The following ADTRP variants were observed in gnomAD, a reference collection of about 807,000 sequenced individuals.
The protein encoded by ADTRP is androgen dependent TFPI regulating protein.
Under a neutral mutation model 27.0 loss-of-function variants are expected in ADTRP, and 20 were observed. That is an observed-to-expected ratio of 0.74 (90% CI 0.52 to 1.08). ADTRP has a LOEUF of 1.08. ADTRP is among the 50% of genes least tolerant of loss of function. The probability of loss-of-function intolerance (pLI) is 0.00; values close to 1 mark genes in which losing one functional copy is unlikely to be tolerated. For missense variants in ADTRP, 251 were observed against 275.0 expected, an observed-to-expected ratio of 0.91 and a Z score of 0.62; for synonymous variants, 101 against 105.2, an observed-to-expected ratio of 0.96 and a Z score of 0.25.
At chr6:11,725,013 T>C (rs1470895012) in intron 4 of ADTRP, among the ~76,000 whole-genome samples, 3 of 152,222 alleles carry the variant, frequency 2.0e-5, no homozygotes, top group Admixed American at 6.5e-5. Context: ...TCCCACGTTG[T>C]CAAAGGAATT....
intron 1 of ADTRP, among the ~76,000 whole-genome samples, chr6:11,769,441 A>T (rs1000102807): frequency 1.3e-5 from 2 of 152,140 alleles, no homozygotes; most frequent in African/African-American, 4.8e-5. Context: ...GCAGGAAATG[A>T]TACAGAGGTG....
intron 4 of ADTRP, among the ~76,000 whole-genome samples, chr6:11,729,867 C>T (rs1479184253): frequency 6.6e-6 from 1 of 152,148 alleles, no homozygotes; most frequent in African/African-American, 2.4e-5. Flanking sequence ...ATGGAATCAC[C>T]ATTTTTCTTG....
intron 1 of ADTRP, among the ~76,000 whole-genome samples, chr6:11,775,177 C>T (rs918749620): frequency 6.6e-6 from 1 of 152,078 alleles, no homozygotes; most frequent in Admixed American, 6.5e-5. Context: ...GGCCTCCACC[C>T]CGCAACAACC....
chr6:11,716,374 T>G (rs77501844), intron 5 of ADTRP, among the ~76,000 whole-genome samples: 3,484 of 152,142 alleles, frequency 0.023, 126 homozygotes, highest in African/African-American at 0.08. Context: ...CATGGTGGTA[T>G]GAAGCTCTGC....
rs1764043297 is a variant in ADTRP at position 11,778,771 on chromosome 6, A to C, written c.-12T>G. 6.2e-7 allele frequency: 1 copy of C among 1,611,846 alleles called. No individual in the cohort carries two copies. Among genetic ancestry groups the C allele is most frequent in the African/African-American group, 1.3e-5 (1 of 74,876 alleles). On this transcript the variant is annotated 5_prime_UTR_variant, in exon 1 of 6. Coordinates refer to ENST00000414691, the MANE Select transcript of ADTRP (RefSeq NM_032744.4). ...GAAGTCTTCGTCATGGCGAGTGCTG[A>C]CCGGGGCACCGTGAATGTCTTGAGT... is the stretch of plus-strand genomic sequence containing the variant.
Position 11,727,937 on chromosome 6 carries a change from G to A in ADTRP, c.507-4437C>T, listed in dbSNP as rs577509224. On this transcript the variant is annotated intron_variant, in intron 4 of 5. Coordinates refer to ENST00000414691, the MANE Select transcript of ADTRP (RefSeq NM_032744.4). ...AAGAAGGAAGGAAGGAAGGAAGGAC[G>A]GAAAGAAGGAAGGAAGGGAGGCAGG... Among the ~76,000 whole-genome samples the A allele has an allele frequency of 1.2e-3, 145 of 123,192 alleles. 2 individuals carry two copies. Among genetic ancestry groups the A allele is most frequent in the Admixed American group, 6.7e-4 (8 of 11,868 alleles). 80.8% of individuals were successfully genotyped at this position (123,192 alleles called of 152,430 possible).
intron 3 of ADTRP, among the ~76,000 whole-genome samples, chr6:11,760,135 A>G (rs1330443200): frequency 1.3e-5 from 2 of 152,194 alleles, no homozygotes; most frequent in African/African-American, 2.4e-5. Context: ...TAATAGCAAC[A>G]AGCACACTAC....
At chr6:11,746,847 T>A (rs1453529335) in intron 3 of ADTRP, among the ~76,000 whole-genome samples, 1 of 152,176 alleles carries the variant, frequency 6.6e-6, no homozygotes, top group Non-Finnish European at 1.5e-5. Context: ...CATTTCTTGT[T>A]GAGTGTCTGG....
intron 3 of ADTRP, among the ~76,000 whole-genome samples, chr6:11,747,420 C>T (rs942745837): frequency 2.6e-5 from 4 of 152,160 alleles, no homozygotes; most frequent in Admixed American, 1.3e-4. Context: ...GTGTAGGGCA[C>T]TTTAGCTTTC....
chr6:11,721,839 T>A (rs903434009), intron 5 of ADTRP, among the ~76,000 whole-genome samples: 2 of 152,162 alleles, frequency 1.3e-5, no homozygotes, highest in Non-Finnish European at 2.9e-5. Flanking sequence ...TCAATAATAA[T>A]AAATATGATG....
At chr6:11,750,749 T>G (rs1036001286) in intron 3 of ADTRP, among the ~76,000 whole-genome samples, 2 of 152,254 alleles carry the variant, frequency 1.3e-5, no homozygotes, top group South Asian at 4.1e-4. Flanking sequence ...TCTTTGCTGA[T>G]GCCTATCCCT....
At chr6:11,776,786 C>T (rs931712043) in intron 1 of ADTRP, among the ~76,000 whole-genome samples, 14 of 152,112 alleles carry the variant, frequency 9.2e-5, no homozygotes, top group African/African-American at 2.4e-4. Flanking sequence ...AGAGGGAACC[C>T]GAAAGGCTGG....
At chr6:11,740,242 C>T (rs1025803579) in intron 3 of ADTRP, among the ~76,000 whole-genome samples, 2 of 152,200 alleles carry the variant, frequency 1.3e-5, no homozygotes, top group Non-Finnish European at 2.9e-5. Flanking sequence ...GAGGTCCTTT[C>T]CTCCAAGTCT....
chr6:11,756,287 T>A (rs548840584), intron 3 of ADTRP, among the ~76,000 whole-genome samples: 16 of 152,154 alleles, frequency 1.1e-4, no homozygotes, highest in Admixed American at 5.2e-4. Flanking sequence ...TGAGTGGAGA[T>A]CATGCCACTG....
chr6:11,756,192 T>A (rs1463843531), intron 3 of ADTRP, among the ~76,000 whole-genome samples: 1 of 152,048 alleles, frequency 6.6e-6, no homozygotes, highest in Non-Finnish European at 1.5e-5. Flanking sequence ...TGAAACCCCA[T>A]CTCTAGCAAA....
At chr6:11,773,410 G>GA in intron 1 of ADTRP, among the ~76,000 whole-genome samples, 1 of 152,366 alleles carries the variant, frequency 6.6e-6, no homozygotes, top group South Asian at 2.1e-4. Context: ...TGAAGTGGGG[G>GA]AGGCTAAGTG....
intron 1 of ADTRP, among the ~76,000 whole-genome samples, chr6:11,771,086 T>C (rs1031730261): frequency 2.6e-5 from 4 of 151,520 alleles, no homozygotes; most frequent in African/African-American, 9.8e-5. Context: ...CCTCTCCCAG[T>C]CACAGGATGT....
intron 3 of ADTRP, among the ~76,000 whole-genome samples, chr6:11,738,037 A>G (rs776014749): frequency 1.3e-5 from 2 of 152,172 alleles, no homozygotes; most frequent in Non-Finnish European, 2.9e-5. Context: ...GACAATAAAT[A>G]GTACATACCT....
intron 5 of ADTRP, among the ~76,000 whole-genome samples, chr6:11,719,163 A>G (rs996516362): frequency 3.9e-5 from 6 of 152,126 alleles, no homozygotes; most frequent in Admixed American, 1.3e-4. Context: ...AATTATCCAC[A>G]TTGGGAGGAG....
Sources: allele counts gnomAD v4.1 joint callset (sites outside exome capture counted in the v4.1 genomes callset), GRCh38; gene constraint gnomAD v4.1.1; transcripts MANE v1.5; gene names NCBI Gene and HGNC (gene_info 2026-07-23, HGNC 2026-07-21).